Variants in UBAP1 observed in about 807,000 individuals in gnomAD.
UBAP1 encodes the protein ubiquitin-associated protein 1.
Under a neutral mutation model 39.0 loss-of-function variants are expected in UBAP1, and 5 were observed. The observed-to-expected ratio is 0.13, with a 90% confidence interval of 0.07 to 0.27. The LOEUF is 0.27. Ranked by LOEUF, UBAP1 falls within the 10% of genes least tolerant of loss-of-function variation. The probability of loss-of-function intolerance (pLI) is 1.00; values close to 1 mark genes in which losing one functional copy is unlikely to be tolerated. For missense variants in UBAP1, 490 were observed against 608.1 expected (o/e 0.81, Z 2.04); for synonymous variants, 211 against 225.1 (o/e 0.94, Z 0.56).
chr9:34,208,279 T>A (rs943016324), intron 1 of UBAP1, among the ~76,000 whole-genome samples: 2 of 152,222 alleles, frequency 1.3e-5, no homozygotes, highest in African/African-American at 4.8e-5. Context: ...TTCCGAAGTT[T>A]TTTGGCACCA....
chr9:34,215,873 A>G (rs1480791713), intron 1 of UBAP1, among the ~76,000 whole-genome samples: 1 of 152,046 alleles, frequency 6.6e-6, no homozygotes, highest in East Asian at 1.9e-4. Flanking sequence ...GTTTTGCTGC[A>G]TAGTGGACCT....
At chr9:34,202,150 G>A (rs1400164575) in intron 1 of UBAP1, among the ~76,000 whole-genome samples, 1 of 152,044 alleles carries the variant, frequency 6.6e-6, no homozygotes, top group Non-Finnish European at 1.5e-5. Context: ...CCTTCTCCCA[G>A]AGTACAGAGT....
chr9:34,248,721 G>A (rs1198174741), intron 4 of UBAP1, among the ~76,000 whole-genome samples: 2 of 152,192 alleles, frequency 1.3e-5, no homozygotes, highest in Non-Finnish European at 2.9e-5. Context: ...GCTTTCCCCA[G>A]CAGACTTTGA....
intron 2 of UBAP1, among the ~76,000 whole-genome samples, chr9:34,222,574 C>T (rs951212906): frequency 2.6e-5 from 4 of 151,964 alleles, no homozygotes; most frequent in Non-Finnish European, 4.4e-5. Flanking sequence ...GTGAGAGGAT[C>T]GCTTGAGGCC....
chr9:34,180,589 A>G (rs895799673), intron 1 of UBAP1, among the ~76,000 whole-genome samples: 8 of 152,128 alleles, frequency 5.3e-5, no homozygotes, highest in Admixed American at 1.3e-4. Context: ...GTCCGCATTA[A>G]CTTACTATAA....
intron 2 of UBAP1, among the ~76,000 whole-genome samples, chr9:34,224,795 A>G (rs1832959854): frequency 6.6e-6 from 1 of 152,214 alleles, no homozygotes; most frequent in African/African-American, 2.4e-5. Flanking sequence ...TGCTCTCTCA[A>G]GGCTAAAATT....
At chr9:34,198,253 T>C (rs1831172321) in intron 1 of UBAP1, among the ~76,000 whole-genome samples, 2 of 152,158 alleles carry the variant, frequency 1.3e-5, no homozygotes, top group African/African-American at 4.8e-5. Context: ...GCACCATAGA[T>C]GGGTAGGACT....
intron 4 of UBAP1, among the ~76,000 whole-genome samples, chr9:34,249,305 A>T (rs1450869565): frequency 1.3e-5 from 2 of 152,134 alleles, no homozygotes; most frequent in Non-Finnish European, 2.9e-5. Context: ...AAGAGTAGAG[A>T]CTTTGGGATA....
At chr9:34,212,644 C>G (rs1832083326) in intron 1 of UBAP1, among the ~76,000 whole-genome samples, 1 of 152,022 alleles carries the variant, frequency 6.6e-6, no homozygotes, top group Non-Finnish European at 1.5e-5. Flanking sequence ...ATACAACCCT[C>G]CTAGCTTAAA....
At chr9:34,240,891 G>A (rs561311735) in intron 3 of UBAP1, among the ~76,000 whole-genome samples, 1 of 152,274 alleles carries the variant, frequency 6.6e-6, no homozygotes, top group East Asian at 1.9e-4. Flanking sequence ...CATGTTTGGG[G>A]CTATCATTAC....
chr9:34,240,476 A>G (rs1000214722), intron 3 of UBAP1, among the ~76,000 whole-genome samples: 1 of 152,274 alleles, frequency 6.6e-6, no homozygotes, highest in Middle Eastern at 3.4e-3. Flanking sequence ...TTCCTGTCCT[A>G]TGTGAATGTT....
At chr9:34,246,594 A>G (rs549927541) in intron 4 of UBAP1, among the ~76,000 whole-genome samples, 18 of 152,364 alleles carry the variant, frequency 1.2e-4, no homozygotes, top group East Asian at 1.9e-4. Context: ...ATGTAATGTG[A>G]TAAGTACTTT....
rs67856544 is a variant in UBAP1 at position 34,181,116 on chromosome 9, C to CTTTTTTTTTTTTTTT, written c.-8+1879_-8+1893dup. 3.5e-4 allele frequency among the ~76,000 whole-genome samples: 25 copies of CTTTTTTTTTTTTTTT among 72,264 alleles called. 2 individuals are homozygous for CTTTTTTTTTTTTTTT. Among genetic ancestry groups the CTTTTTTTTTTTTTTT allele is most frequent in the Admixed American group, 5.8e-4 (3 of 5,156 alleles). The allele number at this position is 72,264 out of a possible 152,430, so 47.4% of individuals were successfully genotyped here. On this transcript the variant is annotated intron_variant, in intron 1 of 6. Transcript: ENST00000297661. The stretch of plus-strand genomic sequence containing the variant: ...TGAGCCACCGCACCCGGCCTGTTTT[C>CTTTTTTTTTTTTTTT]TTTTTTTTTTTTTTTTTGAGACAGA...
intron 1 of UBAP1, among the ~76,000 whole-genome samples, chr9:34,218,524 A>T (rs1200935882): frequency 1.3e-5 from 2 of 151,806 alleles, no homozygotes; most frequent in South Asian, 4.1e-4. Context: ...CATATTCACA[A>T]CTCATTGCTG....
chr9:34,184,765 G>C (rs1830295838), intron 1 of UBAP1, among the ~76,000 whole-genome samples: 1 of 151,012 alleles, frequency 6.6e-6, no homozygotes, highest in African/African-American at 2.4e-5. Context: ...TGGGACTACA[G>C]ATGGTGTGCC....
chr9:34,179,103 C>T lies in UBAP1; in HGVS notation c.-145C>T. The T allele has an allele frequency of 7.8e-7, 1 of 1,279,460 alleles. No homozygotes were observed. Among genetic ancestry groups the T allele is most frequent in the Non-Finnish European group, 9.9e-7 (1 of 1,010,878 alleles). 79.3% of individuals were successfully genotyped at this position (1,279,460 alleles called of 1,614,324 possible). A position where few individuals can be genotyped will look rare whatever the true frequency, so the allele number is the denominator to read the frequency against. ...GGCGGTGGCTACGGTGACGGCCTGGCCCGGAGCGGGCAGAGTTGGAGGTGG... is the reference window on the plus strand; with the variant it reads ...GGCGGTGGCTACGGTGACGGCCTGGTCCGGAGCGGGCAGAGTTGGAGGTGG... On this transcript the variant is annotated 5_prime_UTR_variant, in exon 1 of 7. Coordinates refer to ENST00000297661, the MANE Select transcript of UBAP1 (RefSeq NM_016525.5).
chr9:34,230,588 C>CA lies in UBAP1; in HGVS notation c.35-3623dup, dbSNP rs1479110233. 5.9e-5 allele frequency among the ~76,000 whole-genome samples: 9 copies of CA among 152,070 alleles called. No individual in the cohort carries two copies. In the East Asian group the frequency reaches 1.7e-3, roughly 29 times the overall value. ...AGTCCCTATTTTCAAAGAAAACAGA[C>CA]AAAAATTCTTTAAAATTAGAAAGAG... On this transcript the variant is annotated intron_variant, in intron 2 of 6. Transcript: ENST00000297661.
At chr9:34,194,105 A>T (rs1830886474) in intron 1 of UBAP1, among the ~76,000 whole-genome samples, 1 of 152,192 alleles carries the variant, frequency 6.6e-6, no homozygotes, top group South Asian at 2.1e-4. Flanking sequence ...CACTACAAAT[A>T]TATTTTACTG....
intron 2 of UBAP1, among the ~76,000 whole-genome samples, chr9:34,230,655 C>T (rs1380991258): frequency 6.6e-6 from 1 of 151,964 alleles, no homozygotes; most frequent in Non-Finnish European, 1.5e-5. Flanking sequence ...TTTATAAGTG[C>T]CATAGAGTTT....
Sources: gnomAD v4.1 joint callset for allele counts (sites outside exome capture counted in the v4.1 genomes callset) on GRCh38, gnomAD v4.1.1 for gene constraint, MANE v1.5 for transcripts, NCBI Gene and HGNC (gene_info 2026-07-23, HGNC 2026-07-21) for gene names.